ARHGEF3: variants seen among roughly 807,000 people sequenced by gnomAD.
ARHGEF3 encodes Rho guanine nucleotide exchange factor 3.
Under a neutral mutation model 63.2 loss-of-function variants are expected in ARHGEF3, and 28 were observed. The ratio of observed to expected loss-of-function variants is 0.44; its 90% CI spans 0.33 to 0.61. ARHGEF3 has a LOEUF of 0.61. Ranked by LOEUF, ARHGEF3 falls within the 20% of genes least tolerant of loss-of-function variation. The probability of loss-of-function intolerance (pLI) is 0.03; values close to 1 mark genes in which losing one functional copy is unlikely to be tolerated. For missense variants in ARHGEF3, 533 were observed against 659.3 expected (o/e 0.81, Z 2.10); for synonymous variants, 266 against 254.2 (o/e 1.05, Z -0.44).
chr3:57,014,111 G>A (rs1031931124), intron 2 of ARHGEF3, among the ~76,000 whole-genome samples: 1 of 151,930 alleles, frequency 6.6e-6, no homozygotes, highest in Non-Finnish European at 1.5e-5. Flanking sequence ...AACAACTCCA[G>A]ACGTGACCCC....
intron 1 of ARHGEF3, chr3:57,073,497 C>T (rs1387642233): frequency 2.6e-6 from 2 of 780,732 alleles, no homozygotes; most frequent in African/African-American, 3.5e-5. Flanking sequence ...GGGAAAACCT[C>T]TGCAGTATCT....
At chr3:56,809,593 AG>A (rs142493280) in intron 4 of ARHGEF3, among the ~76,000 whole-genome samples, 3,052 of 152,334 alleles carry the variant, frequency 0.02, 102 homozygotes, top group African/African-American at 0.069. Flanking sequence ...TTCTGCCCAC[AG>A]AAGTAATAAA....
intron 3 of ARHGEF3, among the ~76,000 whole-genome samples, chr3:56,905,205 T>C (rs2041645185): frequency 6.6e-6 from 1 of 152,222 alleles, no homozygotes; most frequent in African/African-American, 2.4e-5. Context: ...AATATACACA[T>C]GCACAGGATT....
chr3:56,745,064 G>T (rs1028832029), intron 7 of ARHGEF3, 141 bp downstream of exon 7: 36 of 1,082,350 alleles, frequency 3.3e-5, no homozygotes, highest in Admixed American at 7.4e-5. Context: ...TCAAAACATG[G>T]TTGATGGCAG....
At chr3:56,929,585 T>C (rs927669949) in intron 3 of ARHGEF3, among the ~76,000 whole-genome samples, 12 of 152,186 alleles carry the variant, frequency 7.9e-5, no homozygotes, top group African/African-American at 2.9e-4. Flanking sequence ...TAATGTCCCA[T>C]GGACCACACT....
chr3:56,937,218 T>A (rs1948723), intron 3 of ARHGEF3, among the ~76,000 whole-genome samples: 3 of 152,134 alleles, frequency 2.0e-5, no homozygotes, highest in Admixed American at 2.0e-4. Flanking sequence ...AAAAGACAAC[T>A]GAGAAAATAT....
rs1227983710 is a variant in ARHGEF3 at position 57,042,671 on chromosome 3, TATATATATATATATATATA to T, written c.-27-7514_-27-7496del. On this transcript the variant is annotated intron_variant, in intron 1 of 12. Transcript: ENST00000338458. ...ACATAAATATATATATATATATATA[TATATATATATATATATATA>T]TATATATATATTTTTTTTTTTTTTT... is the stretch of plus-strand genomic sequence containing the variant. Among the ~76,000 whole-genome samples the T allele has an allele frequency of 5.5e-3, 124 of 22,638 alleles. 10 individuals are homozygous for T. The highest frequency in any genetic ancestry group is 0.025 in the South Asian group (17 of 692). The allele number at this position is 22,638 out of a possible 152,430, so 14.9% of individuals were successfully genotyped here.
At chr3:56,788,194 C>T (rs1578513296) in intron 1 of ARHGEF3, among the ~76,000 whole-genome samples, 1 of 152,164 alleles carries the variant, frequency 6.6e-6, no homozygotes, top group African/African-American at 2.4e-5. Context: ...TAAGGGCACA[C>T]TTGAGGACTG....
At chr3:56,882,436 T>C in intron 3 of ARHGEF3, 1 of 1,099,782 alleles carries the variant, frequency 9.1e-7, no homozygotes, top group Non-Finnish European at 1.3e-6. Flanking sequence ...AGCAATCAAA[T>C]AGCACATGCA....
At chr3:56,819,430 C>A (rs1263506454) in intron 4 of ARHGEF3, among the ~76,000 whole-genome samples, 3 of 152,114 alleles carry the variant, frequency 2.0e-5, no homozygotes, top group Non-Finnish European at 4.4e-5. Flanking sequence ...GTCAACCCAG[C>A]CCTGTGGAGC....
At chr3:56,913,497 A>C (rs1208268511) in intron 3 of ARHGEF3, among the ~76,000 whole-genome samples, 1 of 152,216 alleles carries the variant, frequency 6.6e-6, no homozygotes, top group African/African-American at 2.4e-5. Context: ...TTGAAAAAAA[A>C]TCAAAATTAG....
chr3:57,048,138 C>G (rs1192359327), intron 1 of ARHGEF3, among the ~76,000 whole-genome samples: 1 of 152,174 alleles, frequency 6.6e-6, no homozygotes, highest in South Asian at 2.1e-4. Flanking sequence ...AGCACCACCA[C>G]CACCCCGCCC....
chr3:56,912,463 TC>T lies in ARHGEF3; in HGVS notation c.130-30110del, dbSNP rs1229683825. ...AATGGCTAAAAACATCATTTCTGAA[TC>T]CATTCTTCCTGGGTTTGAAACCTGA... On this transcript the variant is annotated intron_variant, in intron 3 of 12. Transcript: ENST00000338458. 5.3e-5 allele frequency among the ~76,000 whole-genome samples: 8 copies of T among 152,234 alleles called. No homozygotes were observed. In the East Asian group the frequency reaches 1.5e-3, roughly 29 times the overall value.
chr3:56,923,300 TTTTTCC>T (rs1263327216), intron 3 of ARHGEF3, among the ~76,000 whole-genome samples: 11 of 121,172 alleles, frequency 9.1e-5, no homozygotes, highest in Admixed American at 5.3e-4. Flanking sequence ...TAGGTTTTAA[TTTTTCC>T]ATAATAAAAT....
chr3:56,986,533 G>A (rs532227501), intron 2 of ARHGEF3, among the ~76,000 whole-genome samples: 53 of 152,290 alleles, frequency 3.5e-4, no homozygotes, highest in African/African-American at 1.2e-3. Flanking sequence ...AGAAGAGGCC[G>A]GAAGCAACAG....
At chr3:57,077,319 G>A (rs201328825) in intron 1 of ARHGEF3, among the ~76,000 whole-genome samples, 8 of 58,122 alleles carry the variant, frequency 1.4e-4, no homozygotes, top group Non-Finnish European at 2.7e-4. Context: ...GAGATGTAAC[G>A]GGGCAAGAAC....
At chr3:56,788,419 G>A (rs2036928147) in intron 1 of ARHGEF3, among the ~76,000 whole-genome samples, 1 of 152,122 alleles carries the variant, frequency 6.6e-6, no homozygotes, top group Non-Finnish European at 1.5e-5. Context: ...TAAACCAGGG[G>A]GAACATGATA....
intron 2 of ARHGEF3, among the ~76,000 whole-genome samples, chr3:56,759,480 CTCT>C (rs930747415): frequency 6.6e-6 from 1 of 151,950 alleles, no homozygotes; most frequent in Non-Finnish European, 1.5e-5. Context: ...AGAATGTTTT[CTCT>C]TTCTACTTGA....
chr3:56,982,876 C>G (rs1004771628), intron 2 of ARHGEF3, among the ~76,000 whole-genome samples: 3 of 151,988 alleles, frequency 2.0e-5, no homozygotes, highest in Non-Finnish European at 4.4e-5. Context: ...CAGCCAGCCC[C>G]GCAGTCCAGG....
Sources: allele counts gnomAD v4.1 joint callset (sites outside exome capture counted in the v4.1 genomes callset), GRCh38; gene constraint gnomAD v4.1.1; transcripts MANE v1.5; gene names NCBI Gene and HGNC (gene_info 2026-07-23, HGNC 2026-07-21).